The following IFT74 variants were observed in gnomAD, a reference collection of about 807,000 sequenced individuals.
IFT74 encodes the protein intraflagellar transport 74.
A neutral mutation model predicts 96.7 loss-of-function variants in IFT74; 92 were observed. The observed-to-expected ratio is 0.95, with a 90% CI of 0.80 to 1.13. The LOEUF is 1.13. IFT74 is among the 50% of genes most tolerant of loss of function. The pLI is 0.00. For missense variants in IFT74, 811 were observed against 698.2 expected (o/e 1.16, Z -1.82); for synonymous variants, 223 against 213.2 (o/e 1.05, Z -0.40).
chr9:27,001,588 G>GT (rs201282669), intron 8 of IFT74, among the ~76,000 whole-genome samples: 7,277 of 152,116 alleles, frequency 0.048, 229 homozygotes, highest in South Asian at 0.13. Context: ...CCACATACTT[G>GT]TTTGTCTTTT....
intron 18 of IFT74, among the ~76,000 whole-genome samples, chr9:27,057,073 T>G (rs576254851): frequency 1.2e-4 from 19 of 152,284 alleles, no homozygotes; most frequent in Admixed American, 9.2e-4. Flanking sequence ...TAAAAAATAT[T>G]AATAGCTTAA....
chr9:27,021,918 A>G lies in IFT74; in HGVS notation c.974+3231A>G, dbSNP rs191077205. Among the ~76,000 whole-genome samples the G allele has an allele frequency of 2.9e-3, 445 of 152,294 alleles. 1 individual carries two copies. Among genetic ancestry groups the G allele is most frequent in the South Asian group, 6.4e-3 (31 of 4,826 alleles). ...GAAGTCTTTGCTTATGCCGATGTCT[A>G]GAAGAGTTTTTCTGATGTTATCTTC... On this transcript the variant is annotated intron_variant, in intron 12 of 19. Coordinates refer to ENST00000380062, the MANE Select transcript of IFT74 (RefSeq NM_025103.4).
chr9:27,031,897 G>A (rs7854191), intron 13 of IFT74, among the ~76,000 whole-genome samples: 46,951 of 151,810 alleles, frequency 0.31, 8,410 homozygotes, highest in East Asian at 0.7. Context: ...TTTTTTGTAG[G>A]GACAGGGTTT....
intron 13 of IFT74, 63 bp downstream of exon 13, chr9:27,029,167 A>T (rs1197192886): frequency 7.8e-7 from 1 of 1,287,786 alleles, no homozygotes; most frequent in African/African-American, 1.5e-5. Flanking sequence ...ATATAGTGTT[A>T]ACTGGTGTCT....
At position 27,053,161 on chromosome 9, in the gene IFT74, C is replaced by CTTT. The variant is rs58085385; in HGVS notation, c.1334-2424_1334-2422dup. On this transcript the variant is annotated intron_variant, in intron 16 of 19. Coordinates refer to ENST00000380062, the MANE Select transcript of IFT74 (RefSeq NM_025103.4). ...TACAGGCGTGAGCACCGCGCCTGGCCTTTTTTTTTTTTTTTTTTTTTTTTT... is the reference window on the plus strand; with the variant it reads ...TACAGGCGTGAGCACCGCGCCTGGCCTTTTTTTTTTTTTTTTTTTTTTTTTTTT... Among the ~76,000 whole-genome samples, 37 of 50,608 alleles carry CTTT rather than the reference C, an allele frequency of 7.3e-4. 3 individuals carry two copies. Among genetic ancestry groups the CTTT allele is most frequent in the African/African-American group, 3.3e-3 (34 of 10,344 alleles). 33.2% of individuals were successfully genotyped at this position (50,608 alleles called of 152,430 possible).
chr9:27,014,548 T>C (rs2131613267), intron 10 of IFT74, among the ~76,000 whole-genome samples: 1 of 152,334 alleles, frequency 6.6e-6, no homozygotes, highest in Non-Finnish European at 1.5e-5. Flanking sequence ...ATACACAATA[T>C]GTGCAAATTA....
intron 2 of IFT74, among the ~76,000 whole-genome samples, chr9:26,962,926 ATT>A (rs370313745): frequency 0.036 from 4,893 of 136,558 alleles, 105 homozygotes; most frequent in Middle Eastern, 0.06. Flanking sequence ...AACTTTACTA[ATT>A]TTTTTTTTTT....
rs759009467 is a variant in IFT74, at chr9:26,990,222, A to G, written c.587+27A>G. 2.4e-5 allele frequency: 28 copies of G among 1,182,372 alleles called. 2 individuals carry two copies. The South Asian group carries it at 5.0e-4, about 21-fold the overall frequency. 73.2% of individuals were successfully genotyped at this position (1,182,372 alleles called of 1,614,324 possible). A position where few individuals can be genotyped will look rare whatever the true frequency, so the allele number is the denominator to read the frequency against. On this transcript the variant is annotated intron_variant, in intron 8 of 19. Transcript: ENST00000380062. ...TAAGTATAGCTAATTTAAAAATTAG[A>G]TTCATAAGTAAGCTTTATTAGGTAG...
chr9:27,033,245 G>T (rs1830204114), intron 13 of IFT74, among the ~76,000 whole-genome samples: 1 of 152,010 alleles, frequency 6.6e-6, no homozygotes, highest in Non-Finnish European at 1.5e-5. Context: ...CAATGTTAGG[G>T]CTCTAAAGTC....
At chr9:27,015,494 G>T (rs527255127) in intron 10 of IFT74, among the ~76,000 whole-genome samples, 1 of 152,182 alleles carries the variant, frequency 6.6e-6, no homozygotes, top group African/African-American at 2.4e-5. Flanking sequence ...AAAATTAGCT[G>T]GGCGTGGTGG....
intron 8 of IFT74, among the ~76,000 whole-genome samples, chr9:26,991,520 A>G (rs1325327337): frequency 1.3e-5 from 2 of 152,134 alleles, no homozygotes; most frequent in African/African-American, 2.4e-5. Context: ...ATACCCGGCC[A>G]CCATCTATCA....
At chr9:26,991,152 G>C (rs138191592) in intron 8 of IFT74, among the ~76,000 whole-genome samples, 174 of 152,282 alleles carry the variant, frequency 1.1e-3, no homozygotes, top group African/African-American at 4.1e-3. Context: ...TTTGATGATG[G>C]ATAGATGTTA....
At chr9:26,953,694 A>AAGG (rs1826000474), upstream of IFT74, among the ~76,000 whole-genome samples, 1 of 149,120 alleles carries the variant, frequency 6.7e-6, no homozygotes, top group African/African-American at 2.5e-5. Flanking sequence ...CATTTTTTGT[A>AAGG]GGGGGGGGGT....
At chr9:27,030,372 C>T (rs961904635) in intron 13 of IFT74, among the ~76,000 whole-genome samples, 10 of 151,848 alleles carry the variant, frequency 6.6e-5, no homozygotes, top group South Asian at 2.1e-4. Context: ...GAATATATAA[C>T]GTCTGCCACT....
intron 12 of IFT74, among the ~76,000 whole-genome samples, chr9:27,025,173 G>A (rs963002009): frequency 1.3e-4 from 20 of 152,014 alleles, no homozygotes; most frequent in Non-Finnish European, 1.9e-4. Flanking sequence ...GGCTGAGCAC[G>A]GTGGCTCACA....
chr9:26,991,195 G>A (rs1827848776), intron 8 of IFT74, among the ~76,000 whole-genome samples: 1 of 152,176 alleles, frequency 6.6e-6, no homozygotes, highest in Admixed American at 6.5e-5. Context: ...AAAGATAAAT[G>A]TAATTCTTCT....
rs1322047918 is a variant in IFT74 at position 26,961,979 on chromosome 9, TCA to T, written c.15_16del (p.His5GlnfsTer97). 2 of 1,614,016 alleles carry T rather than the reference TCA, an allele frequency of 1.2e-6. No individual in the cohort carries two copies. The highest frequency in any genetic ancestry group is 2.7e-5 in the African/African-American group (2 of 74,914). MASNHKSSAARPVSR... is the reference protein window; with the variant it reads MASNXKSSAARPVSR... ...AAAGTGAAGAAACAATGGCCAGCAA[TCA>T]CAAATCTTCAGCAGCTCGCCCTGTT... On this transcript the variant is annotated frameshift_variant, in exon 2 of 20. Transcript: ENST00000380062. LOFTEE classifies it high-confidence loss of function.
Position 27,056,423 on chromosome 9 carries a change from A to G in IFT74, c.1587A>G (p.Leu529=). 3 of 1,600,554 alleles carry G rather than the reference A, an allele frequency of 1.9e-6. No individual in the cohort carries two copies. The highest frequency in any genetic ancestry group is 1.7e-5 in the Admixed American group (1 of 57,356). Residue 529 remains leucine (L), a synonymous_variant, in exon 18 of 20, where the codon CTA becomes CTG. Transcript: ENST00000380062. ...AGCAAAACATAGAGTATGAGGCACT[A>G]AAAACACAATTGCAAGAAAATGAGA... ...MEKQNIEYEA[L]KTQLQENETH... is the part of the protein sequence containing the mutation.
At chr9:27,049,935 A>T (rs1298271447) in intron 16 of IFT74, among the ~76,000 whole-genome samples, 1 of 152,212 alleles carries the variant, frequency 6.6e-6, no homozygotes, top group African/African-American at 2.4e-5. Flanking sequence ...ATTAATTTTA[A>T]TAATATATTG....
Sources: gnomAD v4.1 joint callset for allele counts (sites outside exome capture counted in the v4.1 genomes callset) on GRCh38, gnomAD v4.1.1 for gene constraint, MANE v1.5 for transcripts, NCBI Gene and HGNC (gene_info 2026-07-23, HGNC 2026-07-21) for gene names.